LNX1: variants seen among roughly 807,000 people sequenced by gnomAD.
The protein encoded by LNX1 is ligand of numb-protein X 1.
A neutral mutation model predicts 68.4 loss-of-function variants in LNX1; 54 were observed. The observed-to-expected ratio is 0.79, with a 90% CI of 0.63 to 0.99. LNX1 has a LOEUF of 0.99. LNX1 is among the 50% of genes least tolerant of loss of function. LNX1 has a pLI of 0.00. For synonymous variants in LNX1, 336 were observed against 350.0 expected (o/e 0.96, Z 0.45); for missense variants, 906 against 926.4 (o/e 0.98, Z 0.29).
intron 2 of LNX1, among the ~76,000 whole-genome samples, chr4:53,536,479 C>T (rs1728381040): frequency 6.6e-6 from 1 of 152,142 alleles, no homozygotes; most frequent in Non-Finnish European, 1.5e-5. Flanking sequence ...AAAAAAGTTT[C>T]CTCTTCCTCC....
chr4:53,615,878 CT>C (rs1463243490), intron 2 of LNX1, among the ~76,000 whole-genome samples: 1 of 152,168 alleles, frequency 6.6e-6, no homozygotes, highest in Admixed American at 6.5e-5. Context: ...TATCCATCCC[CT>C]CAAGCATTTA....
intron 2 of LNX1, among the ~76,000 whole-genome samples, chr4:53,530,794 T>C (rs1369353): frequency 0.71 from 107,817 of 152,098 alleles, 40,615 homozygotes; most frequent in Non-Finnish European, 0.82. Context: ...TTTAAGTATT[T>C]CAGGGTCAAA....
chr4:53,636,034 T>G lies in LNX1; in HGVS notation c.-215+16134A>C, dbSNP rs147737569. On this transcript the variant is annotated intron_variant, in intron 1 of 2. Coordinates refer to the LNX1 transcript ENST00000507168. ...GTGACCTTGGGCAGGTCAGTTAAAA[T>G]CTCTGTGTTGCAGTGCTACATTTAC... 2.2e-4 allele frequency among the ~76,000 whole-genome samples: 34 copies of G among 152,198 alleles called. No individual in the cohort carries two copies. In the East Asian group the frequency reaches 5.6e-3, roughly 25 times the overall value.
At chr4:53,630,150 T>A (rs1734216515) in intron 1 of LNX1, among the ~76,000 whole-genome samples, 1 of 152,116 alleles carries the variant, frequency 6.6e-6, no homozygotes, top group Non-Finnish European at 1.5e-5. Context: ...TACCCTGTGC[T>A]AGAGAGTATT....
intron 2 of LNX1, among the ~76,000 whole-genome samples, chr4:53,599,443 A>G (rs1249378524): frequency 6.6e-6 from 1 of 152,228 alleles, no homozygotes; most frequent in African/African-American, 2.4e-5. Flanking sequence ...TCCACCCCTT[A>G]TTTAGCATAT....
At chr4:53,492,506 T>TGA (rs58715153) in intron 6 of LNX1, among the ~76,000 whole-genome samples, 10,165 of 88,900 alleles carry the variant, frequency 0.11, 808 homozygotes, top group South Asian at 0.25. Context: ...CAGAGGGCTC[T>TGA]GAGAGAGAGA....
chr4:53,472,030 A>G (rs897012125), intron 9 of LNX1, among the ~76,000 whole-genome samples: 1 of 152,218 alleles, frequency 6.6e-6, no homozygotes, highest in Admixed American at 6.5e-5. Flanking sequence ...ATAAAGACAC[A>G]TGCACACTTA....
Position 53,496,184 on chromosome 4 carries a change from G to C in LNX1, c.1189C>G (p.Leu397Val), listed in dbSNP as rs1172531936. 31 of 1,614,130 alleles carry C rather than the reference G, an allele frequency of 1.9e-5. No homozygotes were observed. Among genetic ancestry groups the C allele is most frequent in the Non-Finnish European group, 2.4e-5 (28 of 1,180,026 alleles). ...CCAGGCTCATCCACCTTGCGCACCAGTTTTATTCCAAGCTGCTCCTCGGGG... is the reference window on the plus strand; with the variant it reads ...CCAGGCTCATCCACCTTGCGCACCACTTTTATTCCAAGCTGCTCCTCGGGG... ...SSPEEQLGIK[L>V]VRKVDEPGVF... is the part of the protein sequence containing the mutation. Residue 397 changes from leucine (L) to valine (V), a missense_variant, in exon 6 of 11, where the codon CTG becomes GTG. Leu to Val is a conservative substitution (Grantham distance 32). Transcript: ENST00000263925.
At chr4:53,577,173 A>G (rs1731544798) in intron 1 of LNX1, among the ~76,000 whole-genome samples, 1 of 152,244 alleles carries the variant, frequency 6.6e-6, no homozygotes. Flanking sequence ...AAGTGACATC[A>G]GAAACAGTTG....
intron 2 of LNX1, chr4:53,557,725 G>A (rs1484763030): frequency 2.4e-5 from 21 of 863,144 alleles, no homozygotes; most frequent in East Asian, 8.9e-5. Context: ...TAAGCATGCC[G>A]TTTTAAACTG....
At chr4:53,510,403 T>C (rs1280951569) in intron 2 of LNX1, among the ~76,000 whole-genome samples, 1 of 152,172 alleles carries the variant, frequency 6.6e-6, no homozygotes, top group Non-Finnish European at 1.5e-5. Flanking sequence ...AGAAAAGGAG[T>C]TTGGTTATAC....
chr4:53,523,878 T>G (rs1727424448), intron 2 of LNX1, among the ~76,000 whole-genome samples: 1 of 152,158 alleles, frequency 6.6e-6, no homozygotes, highest in Non-Finnish European at 1.5e-5. Context: ...CCCCTGGCAG[T>G]GATAGAGGAT....
chr4:53,558,152 TGATTCTCAGATGAGAGGATGTA>T (rs1244471979), intron 2 of LNX1: 48 of 1,392,810 alleles, frequency 3.4e-5, no homozygotes, highest in Non-Finnish European at 4.3e-5. Flanking sequence ...TTATGCTCTC[TGATTCTCAGATGAGAGGATGTA>T]GGAACGCAAG....
chr4:53,628,835 C>T lies in LNX1; in HGVS notation c.-215+23333G>A, dbSNP rs150802075. 5.3e-3 allele frequency among the ~76,000 whole-genome samples: 799 copies of T among 151,978 alleles called. 8 individuals carry two copies. Among genetic ancestry groups the T allele is most frequent in the African/African-American group, 0.012 (506 of 41,310 alleles). ...ATAATGTCTTTTACAATGACTTGGACGAAGCAGGAGGCCATTTTTCTAAGT... is the reference window on the plus strand; with the variant it reads ...ATAATGTCTTTTACAATGACTTGGATGAAGCAGGAGGCCATTTTTCTAAGT... On this transcript the variant is annotated intron_variant, in intron 1 of 2. Coordinates refer to the LNX1 transcript ENST00000507168.
chr4:53,566,961 T>G (rs1413101280), intron 2 of LNX1, among the ~76,000 whole-genome samples: 1 of 152,184 alleles, frequency 6.6e-6, no homozygotes, highest in Non-Finnish European at 1.5e-5. Context: ...TAAATATATA[T>G]GCATCCAATA....
intron 2 of LNX1, among the ~76,000 whole-genome samples, chr4:53,610,409 T>C (rs1325758694): frequency 6.6e-6 from 1 of 152,078 alleles, no homozygotes; most frequent in African/African-American, 2.4e-5. Flanking sequence ...AAACTATATA[T>C]GAAAAATTTT....
At chr4:53,479,353 T>G (rs552808149) in intron 7 of LNX1, among the ~76,000 whole-genome samples, 1 of 152,374 alleles carries the variant, frequency 6.6e-6, no homozygotes, top group South Asian at 2.1e-4. Context: ...TATAGAGTCT[T>G]CTTTCACACC....
chr4:53,633,084 T>C (rs1546526), intron 1 of LNX1, among the ~76,000 whole-genome samples: 114,131 of 152,118 alleles, frequency 0.75, 43,113 homozygotes, highest in East Asian at 0.91. Flanking sequence ...ATCATCACTT[T>C]TTAGCTGCTT....
At chr4:53,590,695 G>T (rs1732457596) in intron 1 of LNX1, among the ~76,000 whole-genome samples, 1 of 152,202 alleles carries the variant, frequency 6.6e-6, no homozygotes, top group Admixed American at 6.5e-5. Context: ...CATTCTTGCA[G>T]CAATGAGGGA....
Sources: gnomAD v4.1 joint callset for allele counts (sites outside exome capture counted in the v4.1 genomes callset) on GRCh38, gnomAD v4.1.1 for gene constraint, MANE v1.5 for transcripts, NCBI Gene and HGNC (gene_info 2026-07-23, HGNC 2026-07-21) for gene names.